Variants in MAP4K4 observed in about 807,000 individuals in gnomAD.
The protein encoded by MAP4K4 is mitogen-activated protein kinase kinase kinase kinase 4, also known as HPK/GCK-like kinase HGK.
Under a neutral mutation model 189.6 loss-of-function variants are expected in MAP4K4, and 38 were observed. The observed-to-expected ratio is 0.20, with a 90% confidence interval of 0.15 to 0.26. The LOEUF (loss-of-function observed/expected upper bound fraction) is 0.26, where lower values mean the gene tolerates loss of function less well. Among genes scored for constraint, MAP4K4 ranks in the 10% least tolerant of loss-of-function variants. The probability of loss-of-function intolerance (pLI) is 1.00; values close to 1 mark genes in which losing one functional copy is unlikely to be tolerated. For synonymous variants in MAP4K4, 610 were observed against 624.3 expected (o/e 0.98, Z 0.34); for missense variants, 1,054 against 1,726.9 (o/e 0.61, Z 6.91).
intron 26 of MAP4K4, 112 bp downstream of exon 26, chr2:101,874,364 T>C (rs1054538377): frequency 9.8e-6 from 9 of 922,394 alleles, no homozygotes; most frequent in South Asian, 5.1e-5. Flanking sequence ...GGAAGACTTC[T>C]ATGATGTCCA....
Position 101,718,988 on chromosome 2 carries a change from T to G in MAP4K4, c.123+20450T>G, listed in dbSNP as rs2050146947. Among the ~76,000 whole-genome samples, 6 of 152,302 alleles carry G rather than the reference T, an allele frequency of 3.9e-5. No individual in the cohort carries two copies. In the South Asian group the frequency reaches 1.2e-3, roughly 32 times the overall value. On this transcript the variant is annotated intron_variant, in intron 2 of 32. Coordinates refer to ENST00000324219, the Ensembl canonical transcript of MAP4K4. ...CTTATCCATGTGGTGTAAAGTGTAT[T>G]GGGTATCTGTACATTCAAATCAATG... is the stretch of plus-strand genomic sequence containing the variant.
intron 2 of MAP4K4, among the ~76,000 whole-genome samples, chr2:101,763,794 G>A (rs2077432336): frequency 1.3e-5 from 2 of 152,134 alleles, no homozygotes; most frequent in Non-Finnish European, 2.9e-5. Context: ...ATGTTGCTGT[G>A]AAATACAGTT....
intron 20 of MAP4K4, chr2:101,867,801 T>C (rs2097859771): frequency 2.0e-6 from 1 of 508,512 alleles, no homozygotes; most frequent in East Asian, 3.1e-5. Context: ...GTACCTGGGG[T>C]GATAGTTGTG....
rs182743143 is a variant in MAP4K4, at chr2:101,871,155, G to A, written c.2761-339G>A. On this transcript the variant is annotated intron_variant, in intron 23 of 32. Coordinates refer to ENST00000324219, the Ensembl canonical transcript of MAP4K4. ...AGAATGTGGAAAAGACCAGGATTCA[G>A]AGAATCCACAGGTACTTTCTGGAGC... Among the ~76,000 whole-genome samples, 39 of 152,190 alleles carry A rather than the reference G, an allele frequency of 2.6e-4. No individual in the cohort carries two copies. The East Asian group carries it at 7.2e-3, about 28-fold the overall frequency.
chr2:101,726,080 T>C (rs1456353727), intron 2 of MAP4K4, among the ~76,000 whole-genome samples: 2 of 152,260 alleles, frequency 1.3e-5, no homozygotes, highest in Non-Finnish European at 2.9e-5. Context: ...GCTGCTAGAA[T>C]GAATGTGGAC....
intron 32 of MAP4K4, among the ~76,000 whole-genome samples, 190 bp downstream of exon 32, chr2:101,889,125 T>G (rs776260023): frequency 7.2e-5 from 11 of 152,182 alleles, no homozygotes; most frequent in Non-Finnish European, 1.0e-4. Context: ...GGGATAGAGA[T>G]ATTTTTCTCT....
At chr2:101,855,141 T>C (rs1576828944) in intron 12 of MAP4K4, among the ~76,000 whole-genome samples, 1 of 152,206 alleles carries the variant, frequency 6.6e-6, no homozygotes. Context: ...TAGGGTTACA[T>C]AGAACAGTCT....
At chr2:101,819,900 G>C (rs1046456283) in intron 3 of MAP4K4, among the ~76,000 whole-genome samples, 1 of 152,212 alleles carries the variant, frequency 6.6e-6, no homozygotes, top group Non-Finnish European at 1.5e-5. Context: ...CCATTCAGGG[G>C]CACTTCAGAT....
intron 8 of MAP4K4, 143 bp from the exon 9 acceptor site, chr2:101,835,757 T>A: frequency 1.9e-6 from 1 of 533,888 alleles, no homozygotes; most frequent in Non-Finnish European, 3.5e-6. Context: ...CTGGAGTTCA[T>A]AACTAGATGT....
Position 101,733,032 on chromosome 2 carries a change from C to T in MAP4K4, c.123+34494C>T, listed in dbSNP as rs144115891. ...CTCGGCATCTCTGCCAATGTTACTA[C>T]GTCCCAAGAAGCTTTTCAGGTGGCT... On this transcript the variant is annotated intron_variant, in intron 2 of 32. Coordinates refer to ENST00000324219, the Ensembl canonical transcript of MAP4K4. Among the ~76,000 whole-genome samples the T allele has an allele frequency of 4.0e-3, 604 of 152,356 alleles. 2 individuals carry two copies. The highest frequency in any genetic ancestry group is 6.8e-3 in the Non-Finnish European group (464 of 68,042).
exon 1 of MAP4K4, chr2:101,698,001 G>C (rs1410921463): frequency 3.1e-5 from 31 of 1,004,550 alleles, no homozygotes; most frequent in Non-Finnish European, 3.7e-5. Context: ...GAGCGCGGTC[G>C]GCGGCCTGGT....
intron 2 of MAP4K4, among the ~76,000 whole-genome samples, chr2:101,756,187 G>A (rs1203360921): frequency 6.6e-6 from 1 of 151,954 alleles, no homozygotes; most frequent in Admixed American, 6.6e-5. Flanking sequence ...CTCGTGATCC[G>A]CCTGCCTCGG....
rs2074746 is a variant in MAP4K4, at chr2:101,866,995, T to G, written c.2357-217T>G. Among the ~76,000 whole-genome samples the G allele has an allele frequency of 5.2e-3, 795 of 151,728 alleles. 30 individuals are homozygous for G. In the East Asian group the frequency reaches 0.074, roughly 14 times the overall value. On this transcript the variant is annotated intron_variant, in intron 19 of 32. Coordinates refer to ENST00000324219, the Ensembl canonical transcript of MAP4K4. The stretch of plus-strand genomic sequence containing the variant: ...TGACAAGGTATATATTGTGAACACG[T>G]GTCAAAGTGAGTGTGATGATGGAGG...
At chr2:101,854,028 C>A (rs1427283372) in intron 12 of MAP4K4, among the ~76,000 whole-genome samples, 3 of 152,162 alleles carry the variant, frequency 2.0e-5, no homozygotes, top group Non-Finnish European at 4.4e-5. Flanking sequence ...TTTGCCTCTT[C>A]TTCTCTCTTC....
At chr2:101,847,358 G>A (rs944571490) in intron 12 of MAP4K4, among the ~76,000 whole-genome samples, 3 of 152,192 alleles carry the variant, frequency 2.0e-5, no homozygotes, top group Non-Finnish European at 4.4e-5. Flanking sequence ...AACTGCAAAA[G>A]AGCCTTAGGC....
intron 2 of MAP4K4, among the ~76,000 whole-genome samples, chr2:101,720,242 C>T (rs1282336379): frequency 1.3e-5 from 2 of 149,348 alleles, no homozygotes; most frequent in East Asian, 2.0e-4. Flanking sequence ...GGCATGACCT[C>T]GGCTTGCTGC....
chr2:101,823,978 T>C, exon 4 of MAP4K4: 3 of 1,609,910 alleles, frequency 1.9e-6, no homozygotes, highest in Non-Finnish European at 2.5e-6. Flanking sequence ...AGAAATACTC[T>C]CATCACAGAA....
chr2:101,743,942 G>C (rs1369073527), intron 2 of MAP4K4, among the ~76,000 whole-genome samples: 1 of 152,180 alleles, frequency 6.6e-6, no homozygotes, highest in African/African-American at 2.4e-5. Context: ...ACAGGTGTGA[G>C]CCACCATGCC....
intron 16 of MAP4K4, among the ~76,000 whole-genome samples, chr2:101,862,861 C>T: frequency 6.6e-6 from 1 of 152,196 alleles, no homozygotes; most frequent in East Asian, 1.9e-4. Flanking sequence ...ACTAATTTCA[C>T]ATCTTGTATT....
Sources: gnomAD v4.1 joint callset for allele counts (sites outside exome capture counted in the v4.1 genomes callset) on GRCh38, gnomAD v4.1.1 for gene constraint, MANE v1.5 for transcripts, NCBI Gene and HGNC (gene_info 2026-07-23, HGNC 2026-07-21) for gene names.